CCT3: variants seen among roughly 807,000 people sequenced by gnomAD.
CCT3 encodes the protein T-complex protein 1 subunit gamma.
Under a neutral mutation model 65.3 loss-of-function variants are expected in CCT3, and 10 were observed. That is an observed-to-expected ratio of 0.15 (90% CI 0.09 to 0.26). The LOEUF is 0.26. CCT3 is among the 10% of genes least tolerant of loss of function. CCT3 has a pLI of 1.00. For synonymous variants in CCT3, 225 were observed against 242.3 expected (o/e 0.93, Z 0.66); for missense variants, 626 against 708.7 (o/e 0.88, Z 1.33).
rs776028346 is a variant in CCT3, at chr1:156,325,102, C to CA, written c.305-14dup. On this transcript the variant is annotated splice_polypyrimidine_tract_variant and intron_variant, in intron 5 of 13. Coordinates refer to ENST00000295688, the MANE Select transcript of CCT3 (RefSeq NM_005998.5). Reference sequence around the variant, plus strand: ...AGCATTTCCCCTGCTGAAAAAGATACAAGCACCATAGTAATATTTAAAGCA... The same window carrying CA: ...AGCATTTCCCCTGCTGAAAAAGATACAAAGCACCATAGTAATATTTAAAGCA... 2 of 1,555,514 alleles carry CA rather than the reference C, an allele frequency of 1.3e-6. No individual in the cohort carries two copies. Among genetic ancestry groups the CA allele is most frequent in the African/African-American group, 2.7e-5 (2 of 73,840 alleles).
chr1:156,309,520 G>A (rs999214551), intron 13 of CCT3, among the ~76,000 whole-genome samples: 4 of 151,926 alleles, frequency 2.6e-5, no homozygotes, highest in Non-Finnish European at 4.4e-5. Context: ...TCCGCCTCCC[G>A]GGTTCAAGCG....
At chr1:156,320,476 G>C (rs1162837983) in intron 7 of CCT3, among the ~76,000 whole-genome samples, 1 of 152,050 alleles carries the variant, frequency 6.6e-6, no homozygotes, top group African/African-American at 2.4e-5. Context: ...AGTAGGGTAT[G>C]ATGGCTTATG....
chr1:156,323,490 A>C (rs1343765389), intron 6 of CCT3, among the ~76,000 whole-genome samples: 1 of 152,038 alleles, frequency 6.6e-6, no homozygotes, highest in Non-Finnish European at 1.5e-5. Context: ...TTTGAGATGG[A>C]GTCTCGCTCT....
intron 10 of CCT3, among the ~76,000 whole-genome samples, chr1:156,313,471 A>G (rs369184773): frequency 1.3e-5 from 2 of 152,164 alleles, no homozygotes; most frequent in African/African-American, 4.8e-5. Context: ...CACAAATGAC[A>G]TTTATTAGTA....
chr1:156,327,853 G>A (rs1664896088), intron 5 of CCT3, among the ~76,000 whole-genome samples: 1 of 150,556 alleles, frequency 6.6e-6, no homozygotes, highest in Non-Finnish European at 1.5e-5. Context: ...GAGCGTCTCT[G>A]CCCGGCCGCC....
chr1:156,338,239 T>C lies in CCT3; in HGVS notation c.-55A>G, dbSNP rs1024216107. On this transcript the variant is annotated 5_prime_UTR_variant, in exon 1 of 14. Transcript: ENST00000295688. The stretch of plus-strand genomic sequence containing the variant: ...AGCTGGGGGAACCGGCAGAACCTTC[T>C]GGAGAGAGAGAACCAGACAGAAGCC... 4.0e-5 allele frequency: 62 copies of C among 1,543,872 alleles called. No individual in the cohort carries two copies. The highest frequency in any genetic ancestry group is 5.4e-5 in the Non-Finnish European group (61 of 1,139,196).
intron 5 of CCT3, 76 bp from the exon 6 acceptor site, chr1:156,325,165 A>G: frequency 9.6e-7 from 1 of 1,043,094 alleles, no homozygotes; most frequent in Non-Finnish European, 1.5e-6. Flanking sequence ...TATTCTTCCA[A>G]AAAATACTCT....
chr1:156,317,228 A>G lies in CCT3; in HGVS notation c.912T>C (p.Leu304=). 2.5e-6 allele frequency: 4 copies of G among 1,614,124 alleles called. No homozygotes were observed. Among genetic ancestry groups the G allele is most frequent in the Non-Finnish European group, 3.4e-6 (4 of 1,179,986 alleles). Residue 304 remains leucine, a synonymous_variant, in exon 10 of 14, where the codon CTT becomes CTC. Transcript: ENST00000295688. ...KGISDLAQHY[L]MRANITAIRR... ...GGATGGCTGTGATATTGGCCCGCAT[A>G]AGGTAGTGCTGAGCTAAATCTACAA...
At chr1:156,327,700 C>G (rs1298809745) in intron 5 of CCT3, among the ~76,000 whole-genome samples, 38 of 151,742 alleles carry the variant, frequency 2.5e-4, no homozygotes, top group African/African-American at 8.7e-4. Flanking sequence ...AGCCTCTGCC[C>G]GGCCGCCACC....
At chr1:156,330,782 C>T (rs976166260) in intron 5 of CCT3, among the ~76,000 whole-genome samples, 5 of 151,590 alleles carry the variant, frequency 3.3e-5, no homozygotes, top group Non-Finnish European at 5.9e-5. Flanking sequence ...GGCACAGTGG[C>T]GGGCACCTGT....
chr1:156,316,403 G>C (rs1664314601), intron 10 of CCT3, among the ~76,000 whole-genome samples: 1 of 152,140 alleles, frequency 6.6e-6, no homozygotes, highest in Non-Finnish European at 1.5e-5. Flanking sequence ...GAAGTTTAAT[G>C]AATGTAGGAC....
chr1:156,314,266 A>C (rs143792487), intron 10 of CCT3, among the ~76,000 whole-genome samples: 1 of 149,854 alleles, frequency 6.7e-6, no homozygotes, highest in Non-Finnish European at 1.5e-5. Context: ...GATGTTGTAC[A>C]TGACTTCGTA....
At chr1:156,330,323 T>C (rs1665053307) in intron 5 of CCT3, among the ~76,000 whole-genome samples, 1 of 152,256 alleles carries the variant, frequency 6.6e-6, no homozygotes, top group Non-Finnish European at 1.5e-5. Context: ...ACTAGTTGAC[T>C]GTGACTCTCA....
Position 156,320,858 on chromosome 1 carries a change from T to C in CCT3, c.590A>G (p.Lys197Arg). Residue 197 changes from lysine (K) to arginine (R), a missense_variant, in exon 7 of 14, where the codon AAA becomes AGA. Transcript: ENST00000295688. The part of the protein sequence containing the change: ...ENGRKEIDIK[K>R]YARVEKIPGG... ...GTTTACCTTTTCCACTCTTGCATAT[T>C]TTTTTATGTCAATCTCTTTCCGACC... 6.2e-7 allele frequency: 1 copy of C among 1,611,074 alleles called. No homozygotes were observed. The highest frequency in any genetic ancestry group is 2.2e-5 in the East Asian group (1 of 44,788).
chr1:156,328,990 A>G (rs1664985820), intron 5 of CCT3, among the ~76,000 whole-genome samples: 1 of 152,226 alleles, frequency 6.6e-6, no homozygotes, highest in South Asian at 2.1e-4. Flanking sequence ...AAATACAGTC[A>G]CGTACCATTT....
chr1:156,317,086 T>C (rs1664341745), intron 10 of CCT3, 80 bp downstream of exon 10: 2 of 1,223,702 alleles, frequency 1.6e-6, no homozygotes, highest in East Asian at 2.3e-5. Flanking sequence ...TTAAACCTTT[T>C]CAGGTAATGA....
At chr1:156,335,258 GCT>G (rs1665284636) in intron 2 of CCT3, 1 of 225,616 alleles carries the variant, frequency 4.4e-6, no homozygotes, top group Non-Finnish European at 8.7e-6. Context: ...GATGTGGCTA[GCT>G]CTGTTGTTTT....
rs747574811 is a variant in CCT3, at chr1:156,319,008, C to T, written c.619G>A (p.Gly207Ser). ...KYARVEKIPG[G>S]IIEDSCVLRG... ...AAGACACAGGAGTCTTCAATGATGC[C>T]TCCAGGTATCTGAACAAAAGACAAC... The change falls in exon 8 of 14, where the codon GGC becomes AGC. Residue 207 changes from glycine to serine, a missense_variant. Gly to Ser is a moderately conservative substitution (Grantham distance 56). Transcript: ENST00000295688. 1.9e-6 allele frequency: 3 copies of T among 1,603,326 alleles called. No homozygotes were observed. The Admixed American group carries it at 5.3e-5, about 28-fold the overall frequency.
intron 5 of CCT3, among the ~76,000 whole-genome samples, chr1:156,329,303 C>CTTTTTTTTTTTTTTTTTTTTTTTTTT (rs765770849): frequency 8.4e-6 from 1 of 119,544 alleles, no homozygotes; most frequent in Non-Finnish European, 1.7e-5. Context: ...GTATCCCCAT[C>CTTTTTTTTTTTTTTTTTTTTTTTTTT]TTTTTTTTTT....
Sources: gnomAD v4.1 joint callset for allele counts (sites outside exome capture counted in the v4.1 genomes callset) on GRCh38, gnomAD v4.1.1 for gene constraint, MANE v1.5 for transcripts, NCBI Gene and HGNC (gene_info 2026-07-23, HGNC 2026-07-21) for gene names.